ATP1B3: variants seen among roughly 807,000 people sequenced by gnomAD.
ATP1B3 encodes the protein sodium/potassium-transporting ATPase subunit beta-3.
ATP1B3 carries 10 observed loss-of-function variants against 30.2 expected under a neutral mutation model. The ratio of observed to expected loss-of-function variants is 0.33; its 90% confidence interval spans 0.20 to 0.56. The LOEUF (loss-of-function observed/expected upper bound fraction) is 0.56. Ranked by LOEUF, ATP1B3 falls within the 20% of genes least tolerant of loss-of-function variation. The probability of loss-of-function intolerance (pLI) is 0.90; values close to 1 mark genes in which losing one functional copy is unlikely to be tolerated. For missense variants in ATP1B3, 238 were observed against 336.7 expected, an observed-to-expected ratio of 0.71 and a Z score of 2.29; for synonymous variants, 113 against 117.0, an observed-to-expected ratio of 0.97 and a Z score of 0.22.
intron 4 of ATP1B3, among the ~76,000 whole-genome samples, chr3:141,914,199 T>C (rs1934415277): frequency 6.6e-6 from 1 of 152,238 alleles, no homozygotes; most frequent in African/African-American, 2.4e-5. Context: ...GTGAATCCTG[T>C]GTTGTAAAAT....
chr3:141,908,068 CTTTTTTTTTT>C (rs56374653), intron 3 of ATP1B3, among the ~76,000 whole-genome samples: 1 of 109,212 alleles, frequency 9.2e-6, no homozygotes, highest in Non-Finnish European at 1.8e-5. Context: ...GCCAGGCATT[CTTTTTTTTTT>C]TTTTTTTTTT....
Position 141,909,592 on chromosome 3 carries a change from C to T in ATP1B3, c.346+2318C>T, listed in dbSNP as rs142176299. Among the ~76,000 whole-genome samples, 185 of 152,294 alleles carry T rather than the reference C, an allele frequency of 1.2e-3. 2 individuals are homozygous for T. The highest frequency in any genetic ancestry group is 4.4e-3 in the African/African-American group (182 of 41,552). On this transcript the variant is annotated intron_variant, in intron 3 of 6. Coordinates refer to ENST00000286371, the MANE Select transcript of ATP1B3 (RefSeq NM_001679.4). ...GCACAGGAAGCAGTAGGTGCAAAGG[C>T]CCTGAGGCTTATGGTGCTGATGTGT...
chr3:141,890,084 TTC>T (rs1491129174), intron 1 of ATP1B3, among the ~76,000 whole-genome samples: 8 of 106,878 alleles, frequency 7.5e-5, no homozygotes, highest in African/African-American at 1.8e-4. Context: ...CTAATTTTTT[TTC>T]TTTTTTTTTT....
At chr3:141,923,984 G>A (rs572263167) in intron 6 of ATP1B3, among the ~76,000 whole-genome samples, 11 of 152,200 alleles carry the variant, frequency 7.2e-5, no homozygotes, top group Admixed American at 1.3e-4. Context: ...GGTGGTATGA[G>A]CGAGGTTTCT....
At chr3:141,888,936 T>A (rs866202393) in intron 1 of ATP1B3, among the ~76,000 whole-genome samples, 4 of 152,284 alleles carry the variant, frequency 2.6e-5, no homozygotes, top group Non-Finnish European at 4.4e-5. Flanking sequence ...CAGTCTCTGA[T>A]AAGTCTTTAT....
At chr3:141,914,315 A>C (rs1934417357) in intron 4 of ATP1B3, among the ~76,000 whole-genome samples, 1 of 152,246 alleles carries the variant, frequency 6.6e-6, no homozygotes, top group Non-Finnish European at 1.5e-5. Flanking sequence ...TAATTAGATA[A>C]CAGAAATACA....
rs750097923 is a variant in ATP1B3, at chr3:141,903,582, G to A, written c.110-38G>A. On this transcript the variant is annotated intron_variant, in intron 1 of 6. Transcript: ENST00000286371. ...GCCAAACATGCATACACACACACACGCACGTGCACATTTCATAAGTTTTAT... is the reference window on the plus strand; with the variant it reads ...GCCAAACATGCATACACACACACACACACGTGCACATTTCATAAGTTTTAT... 43 of 1,607,826 alleles carry A rather than the reference G, an allele frequency of 2.7e-5. No individual in the cohort carries two copies. The Admixed American group carries it at 2.7e-4, about 10-fold the overall frequency.
chr3:141,901,880 A>G (rs143579264), intron 1 of ATP1B3, among the ~76,000 whole-genome samples: 3 of 152,338 alleles, frequency 2.0e-5, no homozygotes, highest in African/African-American at 7.2e-5. Context: ...GCATGGGTCA[A>G]CAAACTACTG....
chr3:141,892,026 G>C (rs1420591714), intron 1 of ATP1B3, among the ~76,000 whole-genome samples: 1 of 151,826 alleles, frequency 6.6e-6, no homozygotes, highest in South Asian at 2.1e-4. Context: ...ACGTATACTA[G>C]GTAACTGTTG....
At chr3:141,921,732 AG>A (rs869111369) in intron 5 of ATP1B3, 1 of 177,510 alleles carries the variant, frequency 5.6e-6, no homozygotes, top group South Asian at 8.5e-5. Context: ...CTCATGAAAG[AG>A]AGTATAGAGT....
At chr3:141,901,470 C>A (rs1219996444) in intron 1 of ATP1B3, among the ~76,000 whole-genome samples, 1 of 152,136 alleles carries the variant, frequency 6.6e-6, no homozygotes, top group Non-Finnish European at 1.5e-5. Flanking sequence ...AGATTTGGTT[C>A]TTGGCAGAAG....
intron 1 of ATP1B3, among the ~76,000 whole-genome samples, chr3:141,898,499 A>G (rs1213302090): frequency 6.6e-6 from 1 of 152,214 alleles, no homozygotes; most frequent in Non-Finnish European, 1.5e-5. Context: ...TTTATGAAAA[A>G]ATGCCCAGCA....
intron 4 of ATP1B3, among the ~76,000 whole-genome samples, chr3:141,914,811 C>G (rs774035874): frequency 9.2e-5 from 14 of 152,182 alleles, no homozygotes; most frequent in Non-Finnish European, 1.8e-4. Flanking sequence ...CCCTGAGGTG[C>G]CCAGACTGAC....
At chr3:141,908,712 T>A (rs1934306222) in intron 3 of ATP1B3, among the ~76,000 whole-genome samples, 1 of 152,240 alleles carries the variant, frequency 6.6e-6, no homozygotes, top group African/African-American at 2.4e-5. Context: ...TTTCTCTGGA[T>A]AATTCTCTGA....
chr3:141,903,872 C>G lies in ATP1B3; in HGVS notation c.238+124C>G, dbSNP rs531950750. On this transcript the variant is annotated intron_variant, in intron 2 of 6. Coordinates refer to ENST00000286371, the MANE Select transcript of ATP1B3 (RefSeq NM_001679.4). ...TCTTGGGTCACTGCAACCTCTGCCT[C>G]CCAGGTTCAAGCGATTCTCCTGCCT... 10 of 1,171,862 alleles carry G rather than the reference C, an allele frequency of 8.5e-6. No homozygotes were observed. In the South Asian group the frequency reaches 1.2e-4, roughly 14 times the overall value. The allele number at this position is 1,171,862 out of a possible 1,614,324, so 72.6% of individuals were successfully genotyped here. A position where few individuals can be genotyped will look rare whatever the true frequency, so the allele number is the denominator to read the frequency against.
intron 5 of ATP1B3, among the ~76,000 whole-genome samples, chr3:141,917,817 G>A (rs1304853217): frequency 6.6e-6 from 1 of 151,182 alleles, no homozygotes; most frequent in African/African-American, 2.4e-5. Context: ...GCCCAGGCTG[G>A]AGTGCAGTGG....
chr3:141,890,451 C>T (rs553897297), intron 1 of ATP1B3, among the ~76,000 whole-genome samples: 4 of 150,966 alleles, frequency 2.6e-5, no homozygotes, highest in East Asian at 2.0e-4. Context: ...TACAGGTGCC[C>T]GCCACTACGC....
intron 6 of ATP1B3, among the ~76,000 whole-genome samples, chr3:141,922,351 G>A (rs1934577490): frequency 6.6e-6 from 1 of 152,084 alleles, no homozygotes; most frequent in African/African-American, 2.4e-5. Context: ...AAGTAGAAAA[G>A]TACTTAAAAA....
intron 5 of ATP1B3, chr3:141,916,618 G>C (rs764523172): frequency 8.4e-7 from 1 of 1,186,658 alleles, no homozygotes; most frequent in Non-Finnish European, 1.1e-6. Context: ...TTATCATTGT[G>C]CTAAATATTA....
Sources: allele counts gnomAD v4.1 joint callset (sites outside exome capture counted in the v4.1 genomes callset), GRCh38; gene constraint gnomAD v4.1.1; transcripts MANE v1.5; gene names NCBI Gene and HGNC (gene_info 2026-07-23, HGNC 2026-07-21).